SLC24A3: variants seen among roughly 807,000 people sequenced by gnomAD.
The protein encoded by SLC24A3 is sodium/potassium/calcium exchanger 3.
A neutral mutation model predicts 75.8 loss-of-function variants in SLC24A3; 28 were observed. That is an observed-to-expected ratio of 0.37 (90% confidence interval 0.27 to 0.51). SLC24A3 has a LOEUF of 0.51. SLC24A3 is among the 20% of genes least tolerant of loss of function. SLC24A3 has a pLI of 0.94. For synonymous variants in SLC24A3, 372 were observed against 334.1 expected (o/e 1.11, Z -1.24); for missense variants, 663 against 847.8 (o/e 0.78, Z 2.71).
chr20:19,243,820 C>G (rs981582936), intron 1 of SLC24A3: 1 of 152,296 alleles, frequency 6.6e-6, no homozygotes, highest in Non-Finnish European at 1.5e-5. Flanking sequence ...CCACGCTCCT[C>G]TCTCCCCAGA....
At chr20:19,236,063 G>A (rs1982158373) in intron 1 of SLC24A3, among the ~76,000 whole-genome samples, 1 of 152,156 alleles carries the variant, frequency 6.6e-6, no homozygotes, top group South Asian at 2.1e-4. Context: ...CTATCTCATG[G>A]CGAACTTTTC....
chr20:19,534,732 A>G lies in SLC24A3; in HGVS notation c.348+19168A>G, dbSNP rs1363594466. On this transcript the variant is annotated intron_variant, in intron 3 of 16. Coordinates refer to ENST00000328041, the MANE Select transcript of SLC24A3 (RefSeq NM_020689.4). The stretch of plus-strand genomic sequence containing the variant: ...AAAAAGTATTTTTAGCTATTCCTAC[A>G]TCTATGTGTAGAGACCCCTGACTGC... Among the ~76,000 whole-genome samples, 3 of 152,158 alleles carry G rather than the reference A, an allele frequency of 2.0e-5. No individual in the cohort carries two copies. The East Asian group carries it at 5.8e-4, about 29-fold the overall frequency.
intron 2 of SLC24A3, among the ~76,000 whole-genome samples, chr20:19,489,750 G>A (rs1201585217): frequency 6.8e-6 from 1 of 146,318 alleles, no homozygotes; most frequent in African/African-American, 2.6e-5. Context: ...GAACATCAAA[G>A]ACAAATTATA....
intron 6 of SLC24A3, among the ~76,000 whole-genome samples, chr20:19,610,904 G>A (rs1368045934): frequency 2.6e-5 from 4 of 152,174 alleles, no homozygotes; most frequent in Admixed American, 2.0e-4. Context: ...ACAGAGTTGC[G>A]GGCACTGGAA....
Position 19,519,083 on chromosome 20 carries a change from G to A in SLC24A3, c.348+3519G>A, listed in dbSNP as rs183242337. On this transcript the variant is annotated intron_variant, in intron 3 of 16. Coordinates refer to ENST00000328041, the MANE Select transcript of SLC24A3 (RefSeq NM_020689.4). ...TGTCTTTTCCTGGGGTTCACTGCTC[G>A]TAGTCATGGATCTGGACCAGAGGGC... is the stretch of plus-strand genomic sequence containing the variant. Among the ~76,000 whole-genome samples the A allele has an allele frequency of 7.9e-5, 12 of 152,234 alleles. No individual in the cohort carries two copies. The East Asian group carries it at 1.4e-3, about 17-fold the overall frequency.
chr20:19,434,045 A>T (rs11906086), intron 2 of SLC24A3, among the ~76,000 whole-genome samples: 4 of 152,190 alleles, frequency 2.6e-5, no homozygotes, highest in African/African-American at 9.7e-5. Context: ...TGGGAGGGGC[A>T]GTCCCTCAGG....
intron 3 of SLC24A3, 54 bp from the exon 4 acceptor site, chr20:19,579,946 C>G: frequency 1.4e-6 from 2 of 1,381,872 alleles, no homozygotes; most frequent in Non-Finnish European, 2.0e-6. Context: ...GGACGTTCAT[C>G]TTCCTGGCTC....
chr20:19,449,933 T>G (rs1987453034), intron 2 of SLC24A3, among the ~76,000 whole-genome samples: 1 of 152,226 alleles, frequency 6.6e-6, no homozygotes, highest in Non-Finnish European at 1.5e-5. Context: ...TTTAATGAAC[T>G]TTGCACTCAT....
At chr20:19,241,179 G>A (rs978327315) in intron 1 of SLC24A3, among the ~76,000 whole-genome samples, 4 of 152,226 alleles carry the variant, frequency 2.6e-5, no homozygotes, top group African/African-American at 7.2e-5. Context: ...GTGGAGCAGC[G>A]GAGATGTGGC....
At chr20:19,588,497 G>A (rs1318549460) in intron 6 of SLC24A3, among the ~76,000 whole-genome samples, 3 of 152,182 alleles carry the variant, frequency 2.0e-5, no homozygotes, top group Non-Finnish European at 2.9e-5. Flanking sequence ...AATGTCTGCT[G>A]TATTTGCAGT....
At chr20:19,451,595 G>A (rs534441035) in intron 2 of SLC24A3, among the ~76,000 whole-genome samples, 1 of 152,336 alleles carries the variant, frequency 6.6e-6, no homozygotes, top group African/African-American at 2.4e-5. Context: ...ATGAATGAAA[G>A]GTTGACTGGC....
intron 2 of SLC24A3, among the ~76,000 whole-genome samples, chr20:19,392,536 A>G (rs1273358076): frequency 3.3e-5 from 5 of 152,232 alleles, no homozygotes; most frequent in South Asian, 4.2e-4. Flanking sequence ...TTTGTGGGAG[A>G]GTGCTGACCA....
chr20:19,568,836 A>G lies in SLC24A3; in HGVS notation c.349-11164A>G, dbSNP rs147639365. Among the ~76,000 whole-genome samples, 229 of 152,348 alleles carry G rather than the reference A, an allele frequency of 1.5e-3. 4 individuals are homozygous for G. In the East Asian group the frequency reaches 0.04, roughly 26 times the overall value. On this transcript the variant is annotated intron_variant, in intron 3 of 16. Transcript: ENST00000328041. ...ATGTGGGAATATATACAATATTTGTATATGTTGATACATCCAATATATACT... is the reference window on the plus strand; with the variant it reads ...ATGTGGGAATATATACAATATTTGTGTATGTTGATACATCCAATATATACT...
chr20:19,418,729 G>A (rs1342253851), intron 2 of SLC24A3, among the ~76,000 whole-genome samples: 2 of 151,870 alleles, frequency 1.3e-5, no homozygotes, highest in African/African-American at 4.8e-5. Flanking sequence ...TTAAAAGAAT[G>A]AGATTCTTAG....
intron 2 of SLC24A3, among the ~76,000 whole-genome samples, chr20:19,285,584 A>G (rs1267367580): frequency 2.8e-5 from 4 of 145,384 alleles, no homozygotes; most frequent in Non-Finnish European, 1.5e-5. Flanking sequence ...TCAGAACTGC[A>G]TGAACAAGAC....
At chr20:19,301,460 C>G (rs1180482551) in intron 2 of SLC24A3, among the ~76,000 whole-genome samples, 1 of 152,196 alleles carries the variant, frequency 6.6e-6, no homozygotes, top group Non-Finnish European at 1.5e-5. Context: ...AGCATCACCA[C>G]AGAGTGCTCT....
chr20:19,219,175 T>G (rs1225777112), intron 1 of SLC24A3, among the ~76,000 whole-genome samples: 1 of 152,134 alleles, frequency 6.6e-6, no homozygotes, highest in African/African-American at 2.4e-5. Context: ...GGATTCCCCC[T>G]GCTGTTCTCT....
chr20:19,488,238 C>G (rs1988156314), intron 2 of SLC24A3, among the ~76,000 whole-genome samples: 1 of 152,224 alleles, frequency 6.6e-6, no homozygotes, highest in Non-Finnish European at 1.5e-5. Flanking sequence ...AGGCAGAGGC[C>G]AGAGGGCAGG....
chr20:19,299,216 G>GT (rs1555786695), intron 2 of SLC24A3, among the ~76,000 whole-genome samples: 1 of 151,794 alleles, frequency 6.6e-6, no homozygotes, highest in African/African-American at 2.4e-5. Flanking sequence ...GTGTGTGTGT[G>GT]TGTGTGTTTT....
Sources: allele counts gnomAD v4.1 joint callset (sites outside exome capture counted in the v4.1 genomes callset), GRCh38; gene constraint gnomAD v4.1.1; transcripts MANE v1.5; gene names NCBI Gene and HGNC (gene_info 2026-07-23, HGNC 2026-07-21).